The following CLOCK variants were observed in gnomAD, a reference collection of about 807,000 sequenced individuals.
The protein encoded by CLOCK is circadian locomoter output cycles protein kaput.
In CLOCK, 43 loss-of-function variants were observed where a neutral mutation model predicts 118.4. The observed-to-expected ratio is 0.36, with a 90% CI of 0.28 to 0.47. CLOCK has a LOEUF of 0.47. CLOCK is among the 20% of genes least tolerant of loss of function. The pLI is 1.00. For missense variants in CLOCK, 846 were observed against 999.9 expected (o/e 0.85, Z 2.08); for synonymous variants, 326 against 339.2 (o/e 0.96, Z 0.43).
chr4:55,467,045 G>A (rs1046248050), intron 8 of CLOCK, among the ~76,000 whole-genome samples: 4 of 152,084 alleles, frequency 2.6e-5, no homozygotes, highest in Admixed American at 2.6e-4. Flanking sequence ...GTGCACATGG[G>A]AATTCTCTGT....
At position 55,476,790 on chromosome 4, in the gene CLOCK, T is replaced by A. The variant is rs147526536; in HGVS notation, c.257-736A>T. Reference sequence around the variant, plus strand: ...GCTATTCATAAATGATGAAACCTAGTAACAAATGTTTTTCTATTTTTTAAT... The same window carrying A: ...GCTATTCATAAATGATGAAACCTAGAAACAAATGTTTTTCTATTTTTTAAT... On this transcript the variant is annotated intron_variant, in intron 6 of 22. Coordinates refer to ENST00000513440, the MANE Select transcript of CLOCK (RefSeq NM_004898.4). Among the ~76,000 whole-genome samples the A allele has an allele frequency of 6.4e-3, 977 of 152,278 alleles. 16 individuals are homozygous for A. The highest frequency in any genetic ancestry group is 0.022 in the African/African-American group (908 of 41,572).
intron 1 of CLOCK, among the ~76,000 whole-genome samples, chr4:55,531,388 C>T (rs1025859248): frequency 6.6e-6 from 1 of 151,414 alleles, no homozygotes; most frequent in Non-Finnish European, 1.5e-5. Context: ...GGAGGCTTTA[C>T]TGGAGAATTC....
intron 21 of CLOCK, among the ~76,000 whole-genome samples, chr4:55,439,227 A>C (rs1428510579): frequency 6.6e-6 from 1 of 152,238 alleles, no homozygotes; most frequent in Non-Finnish European, 1.5e-5. Flanking sequence ...TTCTCCAAAG[A>C]AGATACACAA....
At chr4:55,528,481 C>A (rs1164239112) in intron 1 of CLOCK, among the ~76,000 whole-genome samples, 1 of 152,106 alleles carries the variant, frequency 6.6e-6, no homozygotes, top group Non-Finnish European at 1.5e-5. Context: ...GATAAACACT[C>A]ATGTTTGCCG....
At chr4:55,472,416 T>C (rs1473835532) in intron 7 of CLOCK, among the ~76,000 whole-genome samples, 1 of 152,090 alleles carries the variant, frequency 6.6e-6, no homozygotes, top group Non-Finnish European at 1.5e-5. Flanking sequence ...AGCAAGTATA[T>C]TTGTAGTCTA....
At chr4:55,503,518 T>G (rs2109997895) in intron 2 of CLOCK, among the ~76,000 whole-genome samples, 1 of 152,190 alleles carries the variant, frequency 6.6e-6, no homozygotes, top group East Asian at 1.9e-4. Context: ...ATTAGTTAAA[T>G]GGGTGTTGAC....
At chr4:55,481,915 A>G (rs1577767663) in intron 4 of CLOCK, among the ~76,000 whole-genome samples, 1 of 152,210 alleles carries the variant, frequency 6.6e-6, no homozygotes, top group Admixed American at 6.5e-5. Flanking sequence ...AGTATTCTGT[A>G]CATTTGCTGT....
intron 2 of CLOCK, among the ~76,000 whole-genome samples, chr4:55,495,438 T>G (rs1728001772): frequency 6.6e-6 from 1 of 152,142 alleles, no homozygotes; most frequent in Admixed American, 6.6e-5. Flanking sequence ...CTCCCATATC[T>G]CAGATGACCA....
intron 8 of CLOCK, among the ~76,000 whole-genome samples, chr4:55,470,185 C>T (rs144648379): frequency 6.6e-6 from 1 of 152,268 alleles, no homozygotes; most frequent in African/African-American, 2.4e-5. Flanking sequence ...CTGACTCACC[C>T]AAAGCAACTT....
intron 8 of CLOCK, among the ~76,000 whole-genome samples, chr4:55,466,601 C>T (rs143187527): frequency 2.6e-4 from 39 of 152,180 alleles, no homozygotes; most frequent in African/African-American, 7.0e-4. Context: ...GTTTTTTCAT[C>T]TATAACTTCA....
chr4:55,450,207 C>A lies in CLOCK; in HGVS notation c.1232G>T (p.Arg411Leu). The A allele has an allele frequency of 6.2e-7, 1 of 1,613,842 alleles. No individual in the cohort carries two copies. The highest frequency in any genetic ancestry group is 8.5e-7 in the Non-Finnish European group (1 of 1,179,908). ...TTCCTTGAGACTGACTGTGTTTATACGATTATCTGACCCAGAATCTTGGCT... is the reference window on the plus strand; with the variant it reads ...TTCCTTGAGACTGACTGTGTTTATAAGATTATCTGACCCAGAATCTTGGCT... ...DKSQDSGSDNRINTVSLKEAL... is the reference protein window; with the variant it reads ...DKSQDSGSDNLINTVSLKEAL... The change falls in exon 16 of 23, where the codon CGT becomes CTT. Residue 411 changes from arginine to leucine, a missense_variant. By Grantham distance (102) the Arg-to-Leu change is moderately radical. This residue lies in a region of CLOCK where 520 missense variants were observed against 558.0 expected (regional missense o/e 0.93). Transcript: ENST00000513440.
Position 55,438,343 on chromosome 4 carries a change from A to AGCTGCTGCTCCTGGGAGCTCTGCTGCT in CLOCK, c.2273_2299dup (p.Gln758_Gln766dup). 1 of 1,614,026 alleles carries AGCTGCTGCTCCTGGGAGCTCTGCTGCT rather than the reference A, an allele frequency of 6.2e-7. No individual in the cohort carries two copies. The highest frequency in any genetic ancestry group is 8.5e-7 in the Non-Finnish European group (1 of 1,180,016). On this transcript the variant is annotated inframe_insertion, in exon 22 of 23. Transcript: ENST00000513440. The stretch of plus-strand genomic sequence containing the variant: ...CTGAGATGGTTGCTGAACTGAAGTG[A>AGCTGCTGCTCCTGGGAGCTCTGCTGCT]GCTGCTGCTCCTGGGAGCTCTGCTG...
intron 3 of CLOCK, chr4:55,486,635 T>C (rs925269784): frequency 2.6e-5 from 4 of 152,220 alleles, no homozygotes; most frequent in African/African-American, 9.7e-5. Flanking sequence ...AACAGTTTAG[T>C]TGGATACTGA....
intron 8 of CLOCK, among the ~76,000 whole-genome samples, chr4:55,468,505 A>G (rs761702940): frequency 1.4e-4 from 21 of 152,196 alleles, no homozygotes; most frequent in Non-Finnish European, 2.5e-4. Flanking sequence ...CTAATTCTCT[A>G]TCCTTCTGGT....
intron 1 of CLOCK, among the ~76,000 whole-genome samples, chr4:55,511,931 C>T (rs550578308): frequency 7.2e-4 from 110 of 151,972 alleles, no homozygotes; most frequent in African/African-American, 2.6e-3. Context: ...TGTCTTTTCA[C>T]GGCTTGATAA....
intron 6 of CLOCK, among the ~76,000 whole-genome samples, 160 bp downstream of exon 6, chr4:55,478,655 T>A (rs1269130632): frequency 6.6e-6 from 1 of 152,152 alleles, no homozygotes; most frequent in Non-Finnish European, 1.5e-5. Flanking sequence ...GGAATAAATG[T>A]TTGTTGAATG....
intron 21 of CLOCK, among the ~76,000 whole-genome samples, chr4:55,441,395 A>C (rs1406494630): frequency 6.6e-6 from 1 of 152,224 alleles, no homozygotes; most frequent in African/African-American, 2.4e-5. Flanking sequence ...TACCCAAAGG[A>C]AAAGAAGTCA....
chr4:55,451,836 C>T (rs184487095), intron 15 of CLOCK, among the ~76,000 whole-genome samples: 1 of 152,236 alleles, frequency 6.6e-6, no homozygotes, highest in African/African-American at 2.4e-5. Flanking sequence ...AGTTCTTTCA[C>T]GTGGGATCCA....
chr4:55,513,263 G>T (rs1577832991), intron 1 of CLOCK, among the ~76,000 whole-genome samples: 1 of 152,042 alleles, frequency 6.6e-6, no homozygotes, highest in African/African-American at 2.4e-5. Context: ...ATTACCTATA[G>T]TATTCACTAC....
Sources: allele counts gnomAD v4.1 joint callset (sites outside exome capture counted in the v4.1 genomes callset), GRCh38; gene constraint gnomAD v4.1.1; regional missense constraint gnomAD v4.1.1; transcripts MANE v1.5; gene names NCBI Gene and HGNC (gene_info 2026-07-23, HGNC 2026-07-21).